Variants in PLCB4 observed in about 807,000 individuals in gnomAD.
The protein encoded by PLCB4 is 1-phosphatidylinositol 4,5-bisphosphate phosphodiesterase beta-4.
A neutral mutation model predicts 178.8 loss-of-function variants in PLCB4; 77 were observed. That is an observed-to-expected ratio of 0.43 (90% CI 0.36 to 0.52). The LOEUF (loss-of-function observed/expected upper bound fraction) is 0.52, where lower values mean the gene tolerates loss of function less well. Among genes scored for constraint, PLCB4 ranks in the 20% least tolerant of loss-of-function variants. The pLI, the probability that PLCB4 is intolerant of heterozygous loss-of-function variation, is 0.00. For synonymous variants in PLCB4, 496 were observed against 490.8 expected (o/e 1.01, Z -0.14); for missense variants, 1,024 against 1,453.4 (o/e 0.70, Z 4.80).
intron 30 of PLCB4, among the ~76,000 whole-genome samples, chr20:9,438,814 A>C (rs545081912): frequency 1.3e-5 from 2 of 152,342 alleles, no homozygotes; most frequent in Admixed American, 1.3e-4. Context: ...GAAGGTAGAA[A>C]CATGGTTAAA....
At chr20:9,195,426 T>C (rs1269449862) in intron 2 of PLCB4, among the ~76,000 whole-genome samples, 1 of 152,220 alleles carries the variant, frequency 6.6e-6, no homozygotes, top group Non-Finnish European at 1.5e-5. Context: ...TCTGTAAGGA[T>C]GTTTCTAGAA....
intron 2 of PLCB4, among the ~76,000 whole-genome samples, chr20:9,130,789 G>C (rs1352413171): frequency 3.3e-5 from 5 of 152,184 alleles, no homozygotes. Flanking sequence ...AGATAAGCAA[G>C]AAGTAATATG....
At chr20:9,126,380 A>G (rs1304712576) in intron 2 of PLCB4, among the ~76,000 whole-genome samples, 1 of 152,190 alleles carries the variant, frequency 6.6e-6, no homozygotes, top group Non-Finnish European at 1.5e-5. Context: ...TGTGTTTGAT[A>G]TGTTTTAAAA....
At chr20:9,222,782 A>G (rs1038084290) in intron 3 of PLCB4, among the ~76,000 whole-genome samples, 2 of 152,180 alleles carry the variant, frequency 1.3e-5, no homozygotes. Flanking sequence ...CATATTGGCC[A>G]GTGCAACTTT....
At chr20:9,402,701 CAT>C (rs2039124140) in intron 20 of PLCB4, among the ~76,000 whole-genome samples, 1 of 152,192 alleles carries the variant, frequency 6.6e-6, no homozygotes, top group South Asian at 2.1e-4. Context: ...GGCTTCAAGA[CAT>C]ATTGAGAAAT....
chr20:9,131,069 C>G (rs1429728044), intron 2 of PLCB4, among the ~76,000 whole-genome samples: 1 of 151,280 alleles, frequency 6.6e-6, no homozygotes. Flanking sequence ...TAACTTGACT[C>G]TTTTTTTTTA....
At chr20:9,183,004 G>A (rs777228259) in intron 2 of PLCB4, among the ~76,000 whole-genome samples, 19 of 152,176 alleles carry the variant, frequency 1.2e-4, no homozygotes, top group African/African-American at 4.6e-4. Flanking sequence ...GCAGGGGTCA[G>A]GGAGTCACGC....
intron 1 of PLCB4, among the ~76,000 whole-genome samples, chr20:9,077,056 G>A (rs1372714657): frequency 7.2e-5 from 11 of 151,966 alleles, no homozygotes; most frequent in African/African-American, 2.4e-4. Context: ...TACATATACT[G>A]GATCATATTG....
intron 3 of PLCB4, among the ~76,000 whole-genome samples, chr20:9,247,340 C>T (rs1671691782): frequency 6.6e-6 from 1 of 152,138 alleles, no homozygotes; most frequent in Non-Finnish European, 1.5e-5. Context: ...GTTGTCATCA[C>T]ATAAGTTTGA....
chr20:9,203,345 G>A (rs183009479), intron 2 of PLCB4, among the ~76,000 whole-genome samples: 2 of 152,146 alleles, frequency 1.3e-5, no homozygotes, highest in African/African-American at 2.4e-5. Flanking sequence ...TGTCTTAAGA[G>A]TGCTATAAAC....
intron 7 of PLCB4, among the ~76,000 whole-genome samples, chr20:9,358,591 A>T (rs1412631909): frequency 4.6e-5 from 7 of 152,202 alleles, no homozygotes; most frequent in Admixed American, 4.6e-4. Flanking sequence ...TGCCTAGTGA[A>T]AGCTTAGAAA....
chr20:9,102,183 A>C (rs2091183401), intron 2 of PLCB4, among the ~76,000 whole-genome samples: 1 of 152,158 alleles, frequency 6.6e-6, no homozygotes, highest in African/African-American at 2.4e-5. Flanking sequence ...ATCCTCTTGG[A>C]TCACTACAAA....
At chr20:9,180,638 T>C (rs765241088) in intron 2 of PLCB4, among the ~76,000 whole-genome samples, 1 of 152,194 alleles carries the variant, frequency 6.6e-6, no homozygotes, top group Non-Finnish European at 1.5e-5. Context: ...GCTAAGCTGC[T>C]AGAGTGCAGT....
intron 25 of PLCB4, among the ~76,000 whole-genome samples, chr20:9,419,543 AG>A (rs992549153): frequency 7.2e-5 from 11 of 152,190 alleles, no homozygotes; most frequent in African/African-American, 9.7e-5. Context: ...ATACATATAA[AG>A]AAAAGTATTT....
intron 30 of PLCB4, among the ~76,000 whole-genome samples, chr20:9,441,352 C>T (rs2042091144): frequency 6.6e-6 from 1 of 152,152 alleles, no homozygotes; most frequent in Admixed American, 6.5e-5. Context: ...GGGGAATAAA[C>T]TCTACTCCAG....
intron 2 of PLCB4, among the ~76,000 whole-genome samples, chr20:9,176,374 G>C (rs1446666597): frequency 6.6e-6 from 1 of 152,166 alleles, no homozygotes; most frequent in Non-Finnish European, 1.5e-5. Flanking sequence ...GAATGGCTGG[G>C]TGAGGTGGTA....
At chr20:9,477,931 T>G (rs980220350) in intron 39 of PLCB4, among the ~76,000 whole-genome samples, 1 of 152,140 alleles carries the variant, frequency 6.6e-6, no homozygotes, top group Non-Finnish European at 1.5e-5. Context: ...CAGACATAAA[T>G]AGTAACATCA....
At chr20:9,209,131 T>C (rs935839650) in intron 2 of PLCB4, among the ~76,000 whole-genome samples, 1 of 152,164 alleles carries the variant, frequency 6.6e-6, no homozygotes, top group Non-Finnish European at 1.5e-5. Context: ...AGATTTAGTT[T>C]AAGGTCAAGA....
At chr20:9,346,212 C>T (rs1000785503) in intron 7 of PLCB4, among the ~76,000 whole-genome samples, 5 of 152,214 alleles carry the variant, frequency 3.3e-5, no homozygotes, top group African/African-American at 4.8e-5. Context: ...TGCAGATTCC[C>T]AGGCCCTGCC....
Sources: allele counts gnomAD v4.1 joint callset (sites outside exome capture counted in the v4.1 genomes callset), GRCh38; gene constraint gnomAD v4.1.1; transcripts MANE v1.5; gene names NCBI Gene and HGNC (gene_info 2026-07-23, HGNC 2026-07-21).